Variants in PRRT1B observed in about 807,000 individuals in gnomAD.
PRRT1B encodes proline rich transmembrane protein 1B, also known as dispanin subfamily D member 2.
intron 1 of PRRT1B, among the ~76,000 whole-genome samples, chr9:131,549,820 C>T (rs1950998902): frequency 1.3e-5 from 2 of 152,196 alleles, no homozygotes; most frequent in South Asian, 4.1e-4. Context: ...GTTATCCCCA[C>T]ATGCCCAGTT....
intron 1 of PRRT1B, among the ~76,000 whole-genome samples, chr9:131,552,678 T>A (rs1164440977): frequency 4.0e-5 from 2 of 49,842 alleles, no homozygotes; most frequent in Middle Eastern, 0.015. Flanking sequence ...ACCTCTAAGG[T>A]TTTTTTTTTT....
chr9:131,551,451 C>G lies in PRRT1B; in HGVS notation c.26-3106C>G, dbSNP rs1177957319. Among the ~76,000 whole-genome samples the G allele has an allele frequency of 2.6e-5, 4 of 152,106 alleles. No homozygotes were observed. Among genetic ancestry groups the G allele is most frequent in the Non-Finnish European group, 5.9e-5 (4 of 68,036 alleles). On this transcript the variant is annotated intron_variant, in intron 1 of 3. Coordinates refer to ENST00000636672, the Ensembl canonical transcript of PRRT1B. This position sits in a 1 kb window ranked among gnomAD's most constrained non-coding sequence, Gnocchi z 4.4. ...CATCGCCCATTATCTCTCCATACCA[C>G]CCCCAAAAAATTTTCGCTGCCCCAA... is the stretch of plus-strand genomic sequence containing the variant.
rs181151988 is a variant in PRRT1B at position 131,556,080 on chromosome 9, C to T, written c.509C>T (p.Pro170Leu). The stretch of plus-strand genomic sequence containing the variant: ...GCTCTGCCCCCACAGTACAATGGCC[C>T]GATGGCTGGCGTGCCAGGCCCTGCC... The change falls in exon 3 of 4, where the codon CCG becomes CTG. Residue 170 changes from proline (P) to leucine (L), a missense_variant. Physicochemically the swap from Pro to Leu is moderately conservative, Grantham distance 98. Transcript: ENST00000636672. The T allele has an allele frequency of 5.1e-3, 2,064 of 401,026 alleles. 13 individuals carry two copies. The highest frequency in any genetic ancestry group is 6.8e-3 in the African/African-American group (332 of 48,832). The allele number at this position is 401,026 out of a possible 1,614,324, so 24.8% of individuals were successfully genotyped here. A position where few individuals can be genotyped will look rare whatever the true frequency, so the allele number is the denominator to read the frequency against.
intron 3 of PRRT1B, 91 bp from the exon 4 acceptor site, chr9:131,557,962 G>T: frequency 2.5e-6 from 1 of 397,920 alleles, no homozygotes; most frequent in Non-Finnish European, 4.4e-6. Flanking sequence ...TTCTCAGTTT[G>T]TGGAACTGGG....
chr9:131,552,839 A>ATTTTTT (rs61662684), intron 1 of PRRT1B, among the ~76,000 whole-genome samples: 4 of 133,802 alleles, frequency 3.0e-5, no homozygotes, highest in Non-Finnish European at 4.8e-5. Flanking sequence ...CACCTGGTTA[A>ATTTTTT]TTTTTTTTTT....
chr9:131,550,295 A>G (rs1249764361), intron 1 of PRRT1B, among the ~76,000 whole-genome samples: 6 of 151,728 alleles, frequency 4.0e-5, no homozygotes, highest in Non-Finnish European at 8.8e-5. Context: ...TCCCTCCACA[A>G]CCCATTATTC....
intron 1 of PRRT1B, among the ~76,000 whole-genome samples, chr9:131,548,936 AT>A (rs1950992659): frequency 6.6e-6 from 1 of 151,998 alleles, no homozygotes; most frequent in Admixed American, 6.6e-5. Context: ...CCTTTTCTTT[AT>A]CCGACCTCTC....
At chr9:131,549,205 A>G (rs1362211755) in intron 1 of PRRT1B, among the ~76,000 whole-genome samples, 1 of 152,232 alleles carries the variant, frequency 6.6e-6, no homozygotes, top group Non-Finnish European at 1.5e-5. Flanking sequence ...AATAGAGTAG[A>G]GGCAGCCAAG....
chr9:131,554,557 G>C (rs1951033552), exon 2 of PRRT1B: 2 of 395,352 alleles, frequency 5.1e-6, no homozygotes, highest in Non-Finnish European at 8.9e-6. Context: ...TTCTTTCTAG[G>C]GTCCGACACG....
intron 1 of PRRT1B, among the ~76,000 whole-genome samples, chr9:131,550,037 C>G (rs776649366): frequency 1.8e-4 from 27 of 152,182 alleles, no homozygotes; most frequent in South Asian, 6.2e-4. Context: ...ACTTAATCAC[C>G]CTTACCCTGC....
At chr9:131,557,378 A>G (rs539519562) in intron 3 of PRRT1B, among the ~76,000 whole-genome samples, 1 of 152,292 alleles carries the variant, frequency 6.6e-6, no homozygotes, top group African/African-American at 2.4e-5. Flanking sequence ...GTCTCTACTA[A>G]AAATACAAAA....
intron 3 of PRRT1B, among the ~76,000 whole-genome samples, chr9:131,556,455 G>C (rs1382998225): frequency 6.6e-6 from 1 of 152,180 alleles, no homozygotes; most frequent in East Asian, 1.9e-4. Context: ...GTAAAGCTGT[G>C]AATGACTGAT....
At chr9:131,552,374 T>G (rs1951017673) in intron 1 of PRRT1B, among the ~76,000 whole-genome samples, 1 of 152,242 alleles carries the variant, frequency 6.6e-6, no homozygotes, top group African/African-American at 2.4e-5. Context: ...ATCTCAGGGT[T>G]GGCATCTGCT....
At chr9:131,556,834 T>C (rs973134148) in intron 3 of PRRT1B, among the ~76,000 whole-genome samples, 1 of 152,062 alleles carries the variant, frequency 6.6e-6, no homozygotes, top group Non-Finnish European at 1.5e-5. Context: ...GGTTTCGCCA[T>C]GTTGGCCAGG....
In PRRT1B at chr9:131,545,633, A is replaced by AG; in HGVS notation, c.22dup (p.Ala8GlyfsTer216). ...CTCGGACCATGGAGGCAGGAGCTGG[A>AG]GGGGCAGGTGCCGGAGGGGCAGGTG... On this transcript the variant is annotated frameshift_variant, in exon 1 of 4. Coordinates refer to ENST00000636672, the Ensembl canonical transcript of PRRT1B. LOFTEE classifies it high-confidence loss of function. The AG allele has an allele frequency of 2.5e-6, 1 of 399,154 alleles. No individual in the cohort carries two copies. Among genetic ancestry groups the AG allele is most frequent in the Non-Finnish European group, 4.4e-6 (1 of 227,316 alleles). The allele number at this position is 399,154 out of a possible 1,614,324, so 24.7% of individuals were successfully genotyped here.
chr9:131,556,188 T>A, exon 3 of PRRT1B: 1 of 401,116 alleles, frequency 2.5e-6, no homozygotes, highest in Non-Finnish European at 4.4e-6. Flanking sequence ...CTCACCGGTC[T>A]CATCGCCATC....
intron 3 of PRRT1B, among the ~76,000 whole-genome samples, chr9:131,557,183 C>T (rs1951056201): frequency 6.6e-6 from 1 of 152,130 alleles, no homozygotes; most frequent in Non-Finnish European, 1.5e-5. Flanking sequence ...ATCCCTCTAT[C>T]GATTCATCTA....
At chr9:131,556,135 C>T (rs542271664) in exon 3 of PRRT1B, 2 of 401,146 alleles carry the variant, frequency 5.0e-6, no homozygotes, top group South Asian at 2.5e-4. Context: ...TGCCAAAGGA[C>T]TACATGATGG....
chr9:131,557,772 AT>A (rs1951059878), intron 3 of PRRT1B, among the ~76,000 whole-genome samples: 1 of 152,216 alleles, frequency 6.6e-6, no homozygotes, highest in South Asian at 2.1e-4. Context: ...CTTTGTTTCC[AT>A]ATCTGCAAAG....
Sources: gnomAD v4.1 joint callset for allele counts (sites outside exome capture counted in the v4.1 genomes callset) on GRCh38, gnomAD v4.1.1 for gene constraint, Gnocchi (gnomAD v3.1) non-coding constraint, MANE v1.5 for transcripts, NCBI Gene and HGNC (gene_info 2026-07-23, HGNC 2026-07-21) for gene names.